The following NFIB variants were observed in gnomAD, a reference collection of about 807,000 sequenced individuals.
The protein encoded by NFIB is nuclear factor I B, also known as nuclear factor 1 B-type.
NFIB carries 11 observed loss-of-function variants against 61.5 expected under a neutral mutation model. That is an observed-to-expected ratio of 0.18 (90% CI 0.11 to 0.30). The LOEUF is 0.30. Ranked by LOEUF, NFIB falls within the 10% of genes least tolerant of loss-of-function variation. The pLI, the probability that NFIB is intolerant of heterozygous loss-of-function variation, is 1.00. For synonymous variants in NFIB, 260 were observed against 216.5 expected, an observed-to-expected ratio of 1.20 and a Z score of -1.76; for missense variants, 471 against 608.9, an observed-to-expected ratio of 0.77 and a Z score of 2.38.
chr9:14,261,258 A>T (rs571323714), intron 2 of NFIB, among the ~76,000 whole-genome samples: 3 of 152,256 alleles, frequency 2.0e-5, no homozygotes, highest in Non-Finnish European at 4.4e-5. Flanking sequence ...GGGAGGGTGC[A>T]GTGAGCCGAG....
chr9:14,181,738 C>T (rs912215822), intron 2 of NFIB, among the ~76,000 whole-genome samples: 2 of 152,146 alleles, frequency 1.3e-5, no homozygotes, highest in Non-Finnish European at 2.9e-5. Context: ...ATGTATAATA[C>T]ACCCACTGAC....
At chr9:14,118,432 A>C (rs1197170794) in intron 8 of NFIB, among the ~76,000 whole-genome samples, 2 of 152,128 alleles carry the variant, frequency 1.3e-5, no homozygotes, top group Admixed American at 1.3e-4. Context: ...GGAATTGAAC[A>C]ACATGAACTA....
At chr9:14,129,520 C>G (rs181978623) in intron 6 of NFIB, among the ~76,000 whole-genome samples, 2 of 151,600 alleles carry the variant, frequency 1.3e-5, no homozygotes, top group East Asian at 3.9e-4. Flanking sequence ...ATGAACCAAA[C>G]TAGTGTTATT....
chr9:14,252,884 A>G (rs547729493), intron 2 of NFIB, among the ~76,000 whole-genome samples: 4 of 147,910 alleles, frequency 2.7e-5, no homozygotes, highest in African/African-American at 7.4e-5. Flanking sequence ...TTCTACAAGA[A>G]GTCCATCTGT....
At chr9:14,446,365 T>C in the NFIB span, among the ~76,000 whole-genome samples, 1 of 152,208 alleles carries the variant, frequency 6.6e-6, no homozygotes, top group Non-Finnish European at 1.5e-5. Flanking sequence ...CTTCTGGGAT[T>C]CCAGTCCAAC....
chr9:14,345,685 C>G (rs2061009120), intron 1 of NFIB, among the ~76,000 whole-genome samples: 2 of 152,128 alleles, frequency 1.3e-5, no homozygotes, highest in African/African-American at 2.4e-5. Flanking sequence ...CTCCTCTGCC[C>G]CATCTCCGTG....
At chr9:14,525,927 C>G in the NFIB span, among the ~76,000 whole-genome samples, 2 of 152,050 alleles carry the variant, frequency 1.3e-5, no homozygotes, top group African/African-American at 4.8e-5. Context: ...TGTATTAGCC[C>G]CCTTGGATAT....
In NFIB at chr9:14,313,635, C is replaced by T. The variant is rs1020548938; in HGVS notation, c.-124G>A. ...TGCGATCAATCAGGACGGGGCTCTG[C>T]GCTGGATCACCGCAACTTCACAACA... On this transcript the variant is annotated 5_prime_UTR_variant, in exon 1 of 11. Transcript: ENST00000380953. The surrounding 1 kb of genome is among the most constrained non-coding windows in gnomAD (Gnocchi z 4.5). 30 of 1,560,560 alleles carry T rather than the reference C, an allele frequency of 1.9e-5. No homozygotes were observed. The highest frequency in any genetic ancestry group is 5.5e-5 in the Admixed American group (3 of 54,268).
At chr9:14,363,060 T>A (rs1564031751) in intron 1 of NFIB, among the ~76,000 whole-genome samples, 1 of 152,170 alleles carries the variant, frequency 6.6e-6, no homozygotes. Flanking sequence ...TTTTATTGAG[T>A]CCCTTTAATA....
At chr9:14,442,267 T>C in the NFIB span, among the ~76,000 whole-genome samples, 14,743 of 152,140 alleles carry the variant, frequency 0.097, 1,005 homozygotes, top group African/African-American at 0.19. Flanking sequence ...CCACTAAAAT[T>C]TCTGTCTCCT....
At chr9:14,464,609 C>G in the NFIB span, among the ~76,000 whole-genome samples, 1 of 152,126 alleles carries the variant, frequency 6.6e-6, no homozygotes, top group African/African-American at 2.4e-5. Context: ...AGGAATTGGC[C>G]TCAGGGGTGA....
At chr9:14,180,530 G>T (rs2046647854) in intron 2 of NFIB, 1 of 152,232 alleles carries the variant, frequency 6.6e-6, no homozygotes. Flanking sequence ...AAACGTGGAA[G>T]ACATACAACT....
At chr9:14,172,391 G>A (rs1232014203) in intron 3 of NFIB, among the ~76,000 whole-genome samples, 1 of 152,056 alleles carries the variant, frequency 6.6e-6, no homozygotes, top group African/African-American at 2.4e-5. Context: ...AGTTTCAATA[G>A]ACACAGAAAG....
chr9:14,152,988 C>T (rs1440754187), intron 4 of NFIB, among the ~76,000 whole-genome samples: 1 of 151,640 alleles, frequency 6.6e-6, no homozygotes, highest in South Asian at 2.1e-4. Context: ...CAGTTAACAA[C>T]AATATATTAC....
chr9:14,192,702 G>C (rs865820964), intron 2 of NFIB, among the ~76,000 whole-genome samples: 1 of 152,082 alleles, frequency 6.6e-6, no homozygotes, highest in Non-Finnish European at 1.5e-5. Flanking sequence ...TCCTCCCTCT[G>C]TGATGCCCTC....
chr9:14,392,930 A>G (rs1008078193), intron 1 of NFIB, among the ~76,000 whole-genome samples: 7 of 152,208 alleles, frequency 4.6e-5, no homozygotes, highest in Non-Finnish European at 1.0e-4. Context: ...TATTACTTGA[A>G]GAAAGATCCG....
chr9:14,224,409 A>G lies in NFIB; in HGVS notation c.563-44629T>C, dbSNP rs1288377665. On this transcript the variant is annotated intron_variant, in intron 2 of 10. Coordinates refer to ENST00000380953, the MANE Select transcript of NFIB (RefSeq NM_001190737.2). ...TGTCCTGAGAAAAATCAAGGTGTAG[A>G]GGATCACAGTTGGATGTTCTGCCCT... is the stretch of plus-strand genomic sequence containing the variant. Among the ~76,000 whole-genome samples, 13 of 152,240 alleles carry G rather than the reference A, an allele frequency of 8.5e-5. 1 individual carries two copies.
chr9:14,371,318 A>C (rs1446236917), intron 1 of NFIB, among the ~76,000 whole-genome samples: 1 of 152,230 alleles, frequency 6.6e-6, no homozygotes, highest in Non-Finnish European at 1.5e-5. Flanking sequence ...AAAGAACTGT[A>C]ATACTAAAAA....
intron 10 of NFIB, 24 bp from the exon 11 acceptor site, chr9:14,088,350 G>A: frequency 6.7e-7 from 1 of 1,485,106 alleles, no homozygotes; most frequent in Non-Finnish European, 9.0e-7. Context: ...AGAGGCAGCA[G>A]GGAGGGAAGA....
Sources: gnomAD v4.1 joint callset for allele counts (sites outside exome capture counted in the v4.1 genomes callset) on GRCh38, gnomAD v4.1.1 for gene constraint, Gnocchi (gnomAD v3.1) non-coding constraint, MANE v1.5 for transcripts, NCBI Gene and HGNC (gene_info 2026-07-23, HGNC 2026-07-21) for gene names.